GNAS: variants seen among roughly 807,000 people sequenced by gnomAD.
The protein encoded by GNAS is protein ALEX.
GNAS carries 8 observed loss-of-function variants against 54.5 expected under a neutral mutation model. That is an observed-to-expected ratio of 0.15 (90% CI 0.09 to 0.26). The LOEUF is 0.26. GNAS is among the 10% of genes least tolerant of loss of function. The probability of loss-of-function intolerance (pLI) is 1.00; values close to 1 mark genes in which losing one functional copy is unlikely to be tolerated. For synonymous variants in GNAS, 204 were observed against 191.4 expected (o/e 1.07, Z -0.54); for missense variants, 170 against 529.8 (o/e 0.32, Z 6.67).
Position 58,905,490 on chromosome 20 carries a change from C to A in GNAS, c.530+10C>A, listed in dbSNP as rs199499878. ...TTGACTGTGCCCAGTAGTAAGTAAC[C>A]GCCACCCAACCCATCAGCACATAAA... On this transcript the variant is annotated intron_variant, in intron 6 of 12. Transcript: ENST00000371085. 7.2e-7 allele frequency: 1 copy of A among 1,382,850 alleles called. No individual in the cohort carries two copies. Among genetic ancestry groups the A allele is most frequent in the Non-Finnish European group, 1.0e-6 (1 of 968,558 alleles). The allele number at this position is 1,382,850 out of a possible 1,614,324, so 85.7% of individuals were successfully genotyped here.
Position 58,857,353 on chromosome 20 carries a change from C to A in GNAS, c.43+16467C>A, listed in dbSNP as rs1315805076. On this transcript the variant is annotated intron_variant, in intron 1 of 12. Coordinates refer to the GNAS transcript ENST00000306090. The surrounding 1 kb of genome is among the most constrained non-coding windows in gnomAD (Gnocchi z 4.1). ...TTAAATTTCAAATGTCTCAACTACACTAAAGCTACCAAACATTAAATGACA... is the reference window on the plus strand; with the variant it reads ...TTAAATTTCAAATGTCTCAACTACAATAAAGCTACCAAACATTAAATGACA... Among the ~76,000 whole-genome samples, 2 of 152,212 alleles carry A rather than the reference C, an allele frequency of 1.3e-5. No individual in the cohort carries two copies. The highest frequency in any genetic ancestry group is 2.9e-5 in the Non-Finnish European group (2 of 68,042).
chr20:58,854,895 C>A (rs752002435), intron 1 of GNAS: 4 of 1,593,728 alleles, frequency 2.5e-6, no homozygotes, highest in Non-Finnish European at 3.4e-6. Context: ...GCCTACTCCG[C>A]GGCCTACTCG....
chr20:58,885,909 T>C (rs963805020), intron 1 of GNAS, among the ~76,000 whole-genome samples: 5 of 152,254 alleles, frequency 3.3e-5, no homozygotes, highest in Admixed American at 3.3e-4. Context: ...GGAAACCTAT[T>C]TATTGTTTCC....
intron 3 of GNAS, chr20:58,900,059 T>C (rs1174351880): frequency 3.1e-6 from 2 of 647,704 alleles, no homozygotes; most frequent in East Asian, 5.8e-5. Context: ...AAGAATACTA[T>C]TCTGTTATCT....
At chr20:58,889,704 C>G (rs1369969652), upstream of GNAS, among the ~76,000 whole-genome samples, 2 of 151,354 alleles carry the variant, frequency 1.3e-5, no homozygotes, top group Non-Finnish European at 2.9e-5. Context: ...TCTTAGGCAG[C>G]CAGCCCAGCA....
At chr20:58,889,325 C>T (rs1447110002), upstream of GNAS, 3 of 989,750 alleles carry the variant, frequency 3.0e-6, no homozygotes, top group East Asian at 1.1e-4. Context: ...GCAGGCGCTG[C>T]CTTGCGTGTG....
rs1192865497 is a variant in GNAS at position 58,841,949 on chromosome 20, A to G, written c.43+1063A>G. On this transcript the variant is annotated intron_variant, in intron 1 of 12. Coordinates refer to the GNAS transcript ENST00000306090. This position sits in a 1 kb window ranked among gnomAD's most constrained non-coding sequence, Gnocchi z 5.0. Reference sequence around the variant, plus strand: ...CAGGATAACTTACAATTCGTTTCCAAAGAGCGCGGTACGCGCAGAGCTGGG... The same window carrying G: ...CAGGATAACTTACAATTCGTTTCCAGAGAGCGCGGTACGCGCAGAGCTGGG... 1.5e-5 allele frequency: 17 copies of G among 1,163,988 alleles called. No homozygotes were observed. The highest frequency in any genetic ancestry group is 1.8e-5 in the Non-Finnish European group (17 of 926,228). The allele number at this position is 1,163,988 out of a possible 1,614,324, so 72.1% of individuals were successfully genotyped here.
chr20:58,853,864 A>T lies in GNAS; in HGVS notation c.43+12978A>T. ...GCAGGGGTCCCCGGAGCTCCTCCCG[A>T]GGAGCCCCAAGCCCTCAGGCCTGCA... On this transcript the variant is annotated intron_variant, in intron 1 of 12. Transcript: ENST00000306090. The surrounding 1 kb of genome is among the most constrained non-coding windows in gnomAD (Gnocchi z 4.4). 1 of 1,594,668 alleles carries T rather than the reference A, an allele frequency of 6.3e-7. No homozygotes were observed. The highest frequency in any genetic ancestry group is 8.5e-7 in the Non-Finnish European group (1 of 1,171,222).
chr20:58,852,984 A>G (rs1451815630), intron 1 of GNAS: 2 of 1,223,702 alleles, frequency 1.6e-6, no homozygotes, highest in Non-Finnish European at 2.0e-6. Context: ...GGGCGTAAGG[A>G]TAGACCAAGG....
Position 58,853,418 on chromosome 20 carries a change from C to T in GNAS, c.43+12532C>T, listed in dbSNP as rs937164479. 3.1e-6 allele frequency: 5 copies of T among 1,590,046 alleles called. No homozygotes were observed. The highest frequency in any genetic ancestry group is 4.6e-5 in the East Asian group (2 of 43,034). Reference sequence around the variant, plus strand: ...CTAGCCCAGCCGAAGAGATGGAGACCGAACCGCCTCACAACGAGCCCATCC... The same window carrying T: ...CTAGCCCAGCCGAAGAGATGGAGACTGAACCGCCTCACAACGAGCCCATCC... On this transcript the variant is annotated intron_variant, in intron 1 of 12. Coordinates refer to the GNAS transcript ENST00000306090. This position sits in a 1 kb window ranked among gnomAD's most constrained non-coding sequence, Gnocchi z 4.4.
At chr20:58,851,301 C>T (rs1015730457) in intron 1 of GNAS, among the ~76,000 whole-genome samples, 1 of 152,140 alleles carries the variant, frequency 6.6e-6, no homozygotes, top group African/African-American at 2.4e-5. Context: ...AAGAGGGATG[C>T]ATTAGACTAA....
chr20:58,886,241 G>C (rs1197502270), intron 1 of GNAS, among the ~76,000 whole-genome samples: 1 of 152,148 alleles, frequency 6.6e-6, no homozygotes, highest in African/African-American at 2.4e-5. Flanking sequence ...TGGAATGTTG[G>C]AAAGAAATGT....
chr20:58,886,609 T>C (rs1296907441), upstream of GNAS, among the ~76,000 whole-genome samples: 3 of 151,728 alleles, frequency 2.0e-5, no homozygotes, highest in Non-Finnish European at 2.9e-5. Context: ...ATTAAATTAC[T>C]AACTCATATG....
rs972492331 is a variant in GNAS, at chr20:58,891,692, C to T, written c.-35C>T. 2.0e-6 allele frequency: 2 copies of T among 998,382 alleles called. 1 individual carries two copies. The highest frequency in any genetic ancestry group is 7.5e-5 in the South Asian group (2 of 26,808). The allele number at this position is 998,382 out of a possible 1,614,324, so 61.8% of individuals were successfully genotyped here. A position where few individuals can be genotyped will look rare whatever the true frequency, so the allele number is the denominator to read the frequency against. ...AGGCCGCCCGCGCCCGCCGCCGCCG[C>T]AGCCCGGCCGCGCCCCGCCGCCGCC... On this transcript the variant is annotated 5_prime_UTR_variant, in exon 1 of 13. Coordinates refer to ENST00000371085, the MANE Select transcript of GNAS (RefSeq NM_000516.7).
chr20:58,896,703 C>A (rs113642378), intron 2 of GNAS, among the ~76,000 whole-genome samples: 2 of 151,894 alleles, frequency 1.3e-5, no homozygotes, highest in Non-Finnish European at 2.9e-5. Context: ...GAGCATTAAC[C>A]GCACTAGATT....
intron 1 of GNAS, among the ~76,000 whole-genome samples, chr20:58,858,993 A>G (rs2145609630): frequency 6.6e-6 from 1 of 152,256 alleles, no homozygotes; most frequent in South Asian, 2.1e-4. Flanking sequence ...TTTAATTCTT[A>G]CAGATTTCTC....
upstream of GNAS, among the ~76,000 whole-genome samples, chr20:58,890,308 TCGGGGGCGCCGA>T (rs1031766505): frequency 4.8e-5 from 7 of 146,774 alleles, no homozygotes; most frequent in Admixed American, 2.0e-4. Context: ...GAGGGCGCCG[TCGGGGGCGCCGA>T]GGAGGGCGCC....
In GNAS at chr20:58,853,009, G is replaced by A; in HGVS notation, c.43+12123G>A. Reference sequence around the variant, plus strand: ...ATAGACCAAGGAAGAGGGGCTGGGGGGCAGCCTGGGGGCATGAAAAGTGGC... The same window carrying A: ...ATAGACCAAGGAAGAGGGGCTGGGGAGCAGCCTGGGGGCATGAAAAGTGGC... On this transcript the variant is annotated intron_variant, in intron 1 of 12. Coordinates refer to the GNAS transcript ENST00000306090. The surrounding 1 kb of genome is among the most constrained non-coding windows in gnomAD (Gnocchi z 4.4). The A allele has an allele frequency of 7.8e-7, 1 of 1,288,994 alleles. No homozygotes were observed. Among genetic ancestry groups the A allele is most frequent in the Non-Finnish European group, 9.8e-7 (1 of 1,020,096 alleles). 79.8% of individuals were successfully genotyped at this position (1,288,994 alleles called of 1,614,324 possible).
chr20:58,901,510 CACTTTT>C (rs1427035123), intron 3 of GNAS, among the ~76,000 whole-genome samples: 3 of 152,148 alleles, frequency 2.0e-5, no homozygotes, highest in Non-Finnish European at 4.4e-5. Context: ...GGACCTGCAG[CACTTTT>C]ACTTAAATGG....
Sources: gnomAD v4.1 joint callset for allele counts (sites outside exome capture counted in the v4.1 genomes callset) on GRCh38, gnomAD v4.1.1 for gene constraint, Gnocchi (gnomAD v3.1) non-coding constraint, MANE v1.5 for transcripts, NCBI Gene and HGNC (gene_info 2026-07-23, HGNC 2026-07-21) for gene names.